Variants in DEPTOR observed in about 807,000 individuals in gnomAD.
DEPTOR encodes DEP domain-containing mTOR-interacting protein.
A neutral mutation model predicts 41.6 loss-of-function variants in DEPTOR; 41 were observed. That is an observed-to-expected ratio of 0.98 (90% confidence interval 0.77 to 1.28). The LOEUF is 1.28. DEPTOR is among the 50% of genes most tolerant of loss of function. The probability of loss-of-function intolerance (pLI) is 0.00; values close to 1 mark genes in which losing one functional copy is unlikely to be tolerated. For missense variants in DEPTOR, 514 were observed against 527.9 expected (o/e 0.97, Z 0.26); for synonymous variants, 195 against 192.3 (o/e 1.01, Z -0.12).
chr8:120,016,863 C>G (rs1192376984), intron 8 of DEPTOR, among the ~76,000 whole-genome samples: 1 of 152,068 alleles, frequency 6.6e-6, no homozygotes, highest in Non-Finnish European at 1.5e-5. Flanking sequence ...CTCAGGATAC[C>G]AAAATCTCCA....
intron 3 of DEPTOR, among the ~76,000 whole-genome samples, chr8:119,945,860 C>T (rs1056369448): frequency 3.9e-5 from 6 of 152,080 alleles, no homozygotes; most frequent in Non-Finnish European, 7.3e-5. Context: ...AGAGCAGCAA[C>T]GGGGTTGGGG....
intron 8 of DEPTOR, among the ~76,000 whole-genome samples, chr8:120,030,672 T>G (rs967557006): frequency 6.6e-6 from 1 of 151,640 alleles, no homozygotes; most frequent in African/African-American, 2.4e-5. Context: ...ACCCAGCTAA[T>G]TTTTGTATTT....
chr8:120,046,683 C>T (rs1315239241), intron 8 of DEPTOR, among the ~76,000 whole-genome samples: 2 of 152,130 alleles, frequency 1.3e-5, no homozygotes, highest in African/African-American at 2.4e-5. Flanking sequence ...CTCAAGCAAT[C>T]CTTCTGCCTC....
At chr8:120,035,458 G>A (rs1812966766) in intron 8 of DEPTOR, among the ~76,000 whole-genome samples, 1 of 152,204 alleles carries the variant, frequency 6.6e-6, no homozygotes, top group African/African-American at 2.4e-5. Flanking sequence ...GTATGGGGGT[G>A]TGGGAATGTA....
intron 4 of DEPTOR, among the ~76,000 whole-genome samples, chr8:119,988,602 C>T (rs540238909): frequency 2.0e-5 from 3 of 152,318 alleles, no homozygotes; most frequent in Admixed American, 1.3e-4. Flanking sequence ...CCTGCCTCAG[C>T]CTCCCGAGTA....
chr8:120,001,583 C>T lies in DEPTOR; in HGVS notation c.663C>T (p.Phe221=), dbSNP rs1329503041. 1 of 1,613,812 alleles carries T rather than the reference C, an allele frequency of 6.2e-7. No homozygotes were observed. Among genetic ancestry groups the T allele is most frequent in the Admixed American group, 1.7e-5 (1 of 59,978 alleles). The change falls in exon 5 of 9, where the codon TTC becomes TTT. Residue 221 remains phenylalanine, a synonymous_variant. Coordinates refer to ENST00000286234, the MANE Select transcript of DEPTOR (RefSeq NM_022783.4). ...TTCTCTACCAGTTCAGAATGAACTT[C>T]CGGCGGAGGCGAAGACTGATGGAGC... ...SNLLYQFRMN[F]RRRRRLMELL...
intron 3 of DEPTOR, among the ~76,000 whole-genome samples, chr8:119,939,482 A>G (rs1274861812): frequency 1.3e-5 from 2 of 152,156 alleles, no homozygotes; most frequent in African/African-American, 2.4e-5. Flanking sequence ...CTTCACATCT[A>G]TTAGTATGGC....
intron 6 of DEPTOR, among the ~76,000 whole-genome samples, chr8:120,004,163 CT>C (rs1433404848): frequency 6.6e-6 from 1 of 152,206 alleles, no homozygotes; most frequent in Non-Finnish European, 1.5e-5. Flanking sequence ...AGAATAAGCA[CT>C]AATTGATGCA....
intron 8 of DEPTOR, among the ~76,000 whole-genome samples, chr8:120,033,081 CTTTTTTTT>C (rs35161313): frequency 1.0e-5 from 1 of 98,982 alleles, no homozygotes; most frequent in Non-Finnish European, 2.0e-5. Flanking sequence ...ATATGGAATT[CTTTTTTTT>C]TTTTTTTTTT....
At chr8:119,985,099 G>C (rs936503898) in intron 4 of DEPTOR, among the ~76,000 whole-genome samples, 1 of 152,198 alleles carries the variant, frequency 6.6e-6, no homozygotes, top group African/African-American at 2.4e-5. Flanking sequence ...CTTGGACCCA[G>C]GAGGCAGAGG....
chr8:120,016,550 C>G (rs1812614667), intron 8 of DEPTOR, among the ~76,000 whole-genome samples: 1 of 151,996 alleles, frequency 6.6e-6, no homozygotes, highest in South Asian at 2.1e-4. Flanking sequence ...ATTCACGTGC[C>G]CCAGCCTCCC....
chr8:120,030,497 G>GTTTGTTTTTTTTTTTTTTTTTTTTTTTTT lies in DEPTOR; in HGVS notation c.1102-19076_1102-19075insGTTTTTTTTTTTTTTTTTTTTTTTTTTTT, dbSNP rs1207108457. ...AATGATGTATTGTGTAGGTTCATCA[G>GTTTGTTTTTTTTTTTTTTTTTTTTTTTTT]TTTTTTTTTTTTTTTTTTTTTTTTT... On this transcript the variant is annotated intron_variant, in intron 8 of 8. Coordinates refer to ENST00000286234, the MANE Select transcript of DEPTOR (RefSeq NM_022783.4). Among the ~76,000 whole-genome samples, 6 of 46,214 alleles carry GTTTGTTTTTTTTTTTTTTTTTTTTTTTTT rather than the reference G, an allele frequency of 1.3e-4. No homozygotes were observed. The South Asian group carries it at 3.6e-3, about 28-fold the overall frequency. 30.3% of individuals were successfully genotyped at this position (46,214 alleles called of 152,430 possible). A position where few individuals can be genotyped will look rare whatever the true frequency, so the allele number is the denominator to read the frequency against.
At chr8:120,041,739 T>C (rs1333795091) in intron 8 of DEPTOR, among the ~76,000 whole-genome samples, 1 of 152,110 alleles carries the variant, frequency 6.6e-6, no homozygotes, top group African/African-American at 2.4e-5. Flanking sequence ...GGTTTCACCA[T>C]GTTGGCCAGG....
chr8:119,987,778 CT>C (rs1425401319), intron 4 of DEPTOR, among the ~76,000 whole-genome samples: 1 of 152,294 alleles, frequency 6.6e-6, no homozygotes, highest in East Asian at 1.9e-4. Context: ...GTGGTGGGCT[CT>C]GCCCAGTTCA....
intron 1 of DEPTOR, among the ~76,000 whole-genome samples, chr8:119,874,793 C>G (rs1827211376): frequency 6.6e-6 from 1 of 152,166 alleles, no homozygotes; most frequent in Non-Finnish European, 1.5e-5. Context: ...GGTCCTTCCT[C>G]TAGGGCTGTT....
At chr8:119,906,176 G>A (rs1254518426) in intron 1 of DEPTOR, among the ~76,000 whole-genome samples, 2 of 151,990 alleles carry the variant, frequency 1.3e-5, no homozygotes, top group African/African-American at 2.4e-5. Context: ...ATTTTGCCGG[G>A]TGCAATGGCT....
chr8:119,960,228 A>AAAAAAACAAAAAAC (rs557948568), intron 3 of DEPTOR, among the ~76,000 whole-genome samples: 1 of 151,978 alleles, frequency 6.6e-6, no homozygotes, highest in African/African-American at 2.4e-5. Context: ...CCTCTCAAAA[A>AAAAAAACAAAAAAC]AAAAAACAAA....
At chr8:119,990,226 C>T (rs545548401) in intron 4 of DEPTOR, among the ~76,000 whole-genome samples, 7 of 152,298 alleles carry the variant, frequency 4.6e-5, no homozygotes, top group African/African-American at 1.7e-4. Flanking sequence ...TGGCGCATCT[C>T]TGCTCACTGC....
chr8:119,966,956 C>CTT (rs1828569736), intron 4 of DEPTOR, among the ~76,000 whole-genome samples: 1 of 152,198 alleles, frequency 6.6e-6, no homozygotes, highest in South Asian at 2.1e-4. Flanking sequence ...AGTTAATAGA[C>CTT]TGAGTAGAGC....
Sources: gnomAD v4.1 joint callset for allele counts (sites outside exome capture counted in the v4.1 genomes callset) on GRCh38, gnomAD v4.1.1 for gene constraint, MANE v1.5 for transcripts, NCBI Gene and HGNC (gene_info 2026-07-23, HGNC 2026-07-21) for gene names.